INCENP: variants seen among roughly 807,000 people sequenced by gnomAD.
INCENP encodes inner centromere protein, also known as binds and activates aurora-B and -C in vivo and in vitro.
A neutral mutation model predicts 107.3 loss-of-function variants in INCENP; 43 were observed. The ratio of observed to expected loss-of-function variants is 0.40; its 90% CI spans 0.31 to 0.52. INCENP has a LOEUF of 0.52. INCENP is among the 20% of genes least tolerant of loss of function. INCENP has a pLI of 0.53. For synonymous variants in INCENP, 488 were observed against 494.4 expected (o/e 0.99, Z 0.17); for missense variants, 1,089 against 1,250.9 (o/e 0.87, Z 1.95).
At chr11:62,143,989 A>G in intron 11 of INCENP, among the ~76,000 whole-genome samples, 1 of 152,264 alleles carries the variant, frequency 6.6e-6, no homozygotes, top group Non-Finnish European at 1.5e-5. Flanking sequence ...GGGTGCCAGC[A>G]TCAATCAGCT....
intron 11 of INCENP, chr11:62,141,762 T>C: frequency 1.7e-6 from 1 of 592,700 alleles, no homozygotes; most frequent in Non-Finnish European, 3.0e-6. Flanking sequence ...GTGTGGCTTT[T>C]CACCAGGGCT....
rs368190249 is a variant in INCENP at position 62,140,729 on chromosome 11, G to C, written c.1369G>C (p.Val457Leu). ...ARRKRSYKQAVSELDEEQHLE... is the reference protein window; with the variant it reads ...ARRKRSYKQALSELDEEQHLE... ...GAGGAAGCGCAGCTACAAGCAGGCC[G>C]TGAGTGAGCTGGACGAGGAGCAGCA... is the stretch of plus-strand genomic sequence containing the variant. The change falls in exon 9 of 19, where the codon GTG (valine) becomes CTG (leucine). Residue 457 changes from valine to leucine, a missense_variant. Val to Leu is a conservative substitution (Grantham distance 32, BLOSUM62 1). Transcript: ENST00000394818. The C allele has an allele frequency of 2.5e-5, 40 of 1,590,966 alleles. No individual in the cohort carries two copies. Among genetic ancestry groups the C allele is most frequent in the South Asian group, 1.0e-4 (9 of 88,468 alleles).
chr11:62,140,312 G>C, intron 8 of INCENP, 27 bp downstream of exon 8: 1 of 1,598,462 alleles, frequency 6.3e-7, no homozygotes, highest in Non-Finnish European at 8.6e-7. Context: ...GGGTGTGTAG[G>C]TAACTCTGAG....
At chr11:62,141,383 C>A in intron 10 of INCENP, 117 bp from the exon 11 acceptor site, 1 of 1,337,886 alleles carries the variant, frequency 7.5e-7, no homozygotes, top group Non-Finnish European at 1.1e-6. Flanking sequence ...GGGGGTGCTG[C>A]TGGCAGGAGG....
intron 4 of INCENP, among the ~76,000 whole-genome samples, chr11:62,136,948 A>G (rs1351810598): frequency 1.3e-5 from 2 of 152,230 alleles, no homozygotes; most frequent in Non-Finnish European, 2.9e-5. Context: ...CATGGGTCTC[A>G]AGGACGTCCA....
intron 3 of INCENP, 139 bp downstream of exon 3, chr11:62,129,022 G>A (rs907773859): frequency 7.9e-5 from 51 of 644,882 alleles, no homozygotes; most frequent in Middle Eastern, 7.8e-4. Context: ...CGGGTACTGC[G>A]TGGGCCATGC....
intron 13 of INCENP, 127 bp downstream of exon 13, chr11:62,145,416 C>G (rs1424975998): frequency 1.4e-6 from 2 of 1,422,396 alleles, no homozygotes; most frequent in African/African-American, 1.4e-5. Context: ...CCCCATGGGC[C>G]CTGGAGTCCA....
intron 4 of INCENP, among the ~76,000 whole-genome samples, chr11:62,133,190 G>T (rs182461870): frequency 1.2e-4 from 19 of 152,260 alleles, no homozygotes; most frequent in African/African-American, 4.3e-4. Flanking sequence ...CCCACGAGCA[G>T]CCCTTGACAC....
At chr11:62,134,911 C>T (rs537503964) in intron 4 of INCENP, among the ~76,000 whole-genome samples, 1 of 151,850 alleles carries the variant, frequency 6.6e-6, no homozygotes, top group South Asian at 2.1e-4. Flanking sequence ...ATTATCTGGG[C>T]GTGGTGGCAC....
intron 18 of INCENP, among the ~76,000 whole-genome samples, chr11:62,150,935 C>A (rs1156952586): frequency 6.6e-6 from 1 of 152,180 alleles, no homozygotes; most frequent in Non-Finnish European, 1.5e-5. Context: ...GGTAGGCACA[C>A]TACAGAAACT....
In INCENP at chr11:62,150,220, C is replaced by T. The variant is rs778006468; in HGVS notation, c.2542+13C>T. 2 of 1,613,602 alleles carry T rather than the reference C, an allele frequency of 1.2e-6. No homozygotes were observed. The highest frequency in any genetic ancestry group is 2.2e-5 in the South Asian group (2 of 91,054). ...ACCTGGGCCCGAGGTAAGCAAAGCC[C>T]ACAGCTCCCTGGGAGACTCAGGCCC... On this transcript the variant is annotated intron_variant, in intron 18 of 18. Coordinates refer to ENST00000394818, the MANE Select transcript of INCENP (RefSeq NM_001040694.2).
At chr11:62,140,160 T>C in intron 7 of INCENP, 74 bp from the exon 8 acceptor site, 2 of 1,353,132 alleles carry the variant, frequency 1.5e-6, no homozygotes, top group South Asian at 2.4e-5. Context: ...AAGGACCCCT[T>C]CCCCCTACAC....
chr11:62,124,564 A>G (rs1317383078), intron 1 of INCENP, among the ~76,000 whole-genome samples: 1 of 152,218 alleles, frequency 6.6e-6, no homozygotes, highest in African/African-American at 2.4e-5. Flanking sequence ...GCTGAGCAGC[A>G]TTTTAAACTG....
chr11:62,139,030 G>T, intron 7 of INCENP, 25 bp downstream of exon 7: 1 of 1,537,686 alleles, frequency 6.5e-7, no homozygotes. Flanking sequence ...CCTGCCGTGT[G>T]CAGTGCCCGG....
chr11:62,148,189 T>C (rs750640184), intron 15 of INCENP, among the ~76,000 whole-genome samples: 12 of 152,318 alleles, frequency 7.9e-5, no homozygotes. Flanking sequence ...AAATGTGTTA[T>C]GGTCTCCATT....
At chr11:62,132,130 GC>G (rs765735635) in intron 4 of INCENP, among the ~76,000 whole-genome samples, 268 of 152,306 alleles carry the variant, frequency 1.8e-3, no homozygotes, top group Non-Finnish European at 3.2e-3. Context: ...GCTGGCATCT[GC>G]CTGGCACTTT....
At chr11:62,132,352 AGGG>A (rs1484319991) in intron 4 of INCENP, among the ~76,000 whole-genome samples, 15 of 152,190 alleles carry the variant, frequency 9.9e-5, no homozygotes, top group Admixed American at 2.6e-4. Flanking sequence ...GCCGCAGGGC[AGGG>A]CCTGTCAGGC....
At chr11:62,137,399 T>A (rs1465876467) in intron 4 of INCENP, among the ~76,000 whole-genome samples, 1 of 152,238 alleles carries the variant, frequency 6.6e-6, no homozygotes, top group African/African-American at 2.4e-5. Flanking sequence ...GACCAGATGG[T>A]GGTTCTGTTT....
intron 13 of INCENP, 120 bp downstream of exon 13, chr11:62,145,409 C>A: frequency 6.9e-7 from 1 of 1,456,232 alleles, no homozygotes; most frequent in Non-Finnish European, 9.3e-7. Flanking sequence ...CTGTCTGCCC[C>A]ATGGGCCCTG....
Sources: allele counts gnomAD v4.1 joint callset (sites outside exome capture counted in the v4.1 genomes callset), GRCh38; gene constraint gnomAD v4.1.1; transcripts MANE v1.5; gene names NCBI Gene and HGNC (gene_info 2026-07-23, HGNC 2026-07-21).